The following RBFOX1 variants were observed in gnomAD, a reference collection of about 807,000 sequenced individuals.
The protein encoded by RBFOX1 is RNA binding fox-1 homolog 1, also known as RNA binding protein fox-1 homolog 1.
Under a neutral mutation model 57.7 loss-of-function variants are expected in RBFOX1, and 8 were observed. The ratio of observed to expected loss-of-function variants is 0.14; its 90% CI spans 0.08 to 0.25. RBFOX1 has a LOEUF of 0.25. Ranked by LOEUF, RBFOX1 falls within the 10% of genes least tolerant of loss-of-function variation. The pLI, the probability that RBFOX1 is intolerant of heterozygous loss-of-function variation, is 1.00. For missense variants in RBFOX1, 611 were observed against 548.5 expected, an observed-to-expected ratio of 1.11 and a Z score of -1.14; for synonymous variants, 326 against 222.4, an observed-to-expected ratio of 1.47 and a Z score of -4.15.
intron 4 of RBFOX1, among the ~76,000 whole-genome samples, chr16:7,263,469 C>T (rs539296085): frequency 1.2e-4 from 19 of 152,196 alleles, no homozygotes; most frequent in African/African-American, 4.3e-4. Flanking sequence ...CAGAAGAGAC[C>T]AATTTAAACC....
chr16:7,473,736 C>G (rs905486996), intron 4 of RBFOX1, among the ~76,000 whole-genome samples: 1 of 151,938 alleles, frequency 6.6e-6, no homozygotes, highest in Non-Finnish European at 1.5e-5. Flanking sequence ...CTAGTATGCT[C>G]CCTCCCCAAC....
intron 4 of RBFOX1, chr16:7,304,216 G>T: frequency 2.9e-4 from 3 of 10,488 alleles, no homozygotes; most frequent in Non-Finnish European, 2.6e-4. Flanking sequence ...GAGAGAGACA[G>T]AGAGAGAGAG....
At chr16:5,456,386 G>A (rs890790944) in intron 1 of RBFOX1, among the ~76,000 whole-genome samples, 1 of 152,134 alleles carries the variant, frequency 6.6e-6, no homozygotes, top group African/African-American at 2.4e-5. Flanking sequence ...ACCTCCCATG[G>A]GTTACCTTCT....
intron 4 of RBFOX1, among the ~76,000 whole-genome samples, chr16:5,913,046 A>G (rs1358179994): frequency 2.0e-5 from 3 of 152,198 alleles, no homozygotes; most frequent in Non-Finnish European, 2.9e-5. Context: ...AGCATTGCCA[A>G]GCGTGTGACC....
chr16:5,393,344 T>G (rs1446229299), intron 1 of RBFOX1, among the ~76,000 whole-genome samples: 1 of 152,150 alleles, frequency 6.6e-6, no homozygotes, highest in East Asian at 1.9e-4. Flanking sequence ...GCAGCTTGGG[T>G]GTATCTGTCC....
chr16:5,539,068 G>A (rs541890366), intron 2 of RBFOX1, among the ~76,000 whole-genome samples: 1 of 152,272 alleles, frequency 6.6e-6, no homozygotes, highest in African/African-American at 2.4e-5. Flanking sequence ...ATGCTTCTGA[G>A]GACAGATAAG....
chr16:7,685,847 C>G (rs931832691), intron 14 of RBFOX1, among the ~76,000 whole-genome samples: 2 of 151,976 alleles, frequency 1.3e-5, no homozygotes, highest in African/African-American at 2.4e-5. Context: ...ATCTTTTATT[C>G]TCATTGGACC....
chr16:7,633,380 C>T (rs1026832005), intron 11 of RBFOX1, among the ~76,000 whole-genome samples: 3 of 152,144 alleles, frequency 2.0e-5, no homozygotes, highest in Admixed American at 1.3e-4. Flanking sequence ...TAAATTGTAT[C>T]AGTCGTATTA....
chr16:5,808,940 C>G (rs1399985083), intron 3 of RBFOX1, among the ~76,000 whole-genome samples: 1 of 152,116 alleles, frequency 6.6e-6, no homozygotes. Flanking sequence ...TCCGTGGCCA[C>G]AACTTCCAAC....
intron 3 of RBFOX1, among the ~76,000 whole-genome samples, chr16:6,718,779 C>G (rs1348550346): frequency 6.6e-6 from 1 of 152,172 alleles, no homozygotes; most frequent in Non-Finnish European, 1.5e-5. Flanking sequence ...AAACTCACAA[C>G]TAGGTTGACT....
At chr16:7,411,952 A>G (rs2098432694) in intron 4 of RBFOX1, among the ~76,000 whole-genome samples, 1 of 151,798 alleles carries the variant, frequency 6.6e-6, no homozygotes, top group East Asian at 1.9e-4. Flanking sequence ...AAACTATCAC[A>G]GACAAGAAGA....
intron 4 of RBFOX1, among the ~76,000 whole-genome samples, chr16:5,956,803 G>A (rs1322463255): frequency 1.3e-5 from 2 of 149,940 alleles, no homozygotes; most frequent in Non-Finnish European, 3.0e-5. Context: ...CTGTGTATAT[G>A]GGATTACAAG....
chr16:6,107,996 G>GGGAT (rs1224760072), intron 1 of RBFOX1, among the ~76,000 whole-genome samples: 13 of 151,702 alleles, frequency 8.6e-5, no homozygotes, highest in South Asian at 2.1e-4. Flanking sequence ...CACCTGTGAT[G>GGGAT]TCACACACAG....
At chr16:5,764,161 A>G (rs9924995) in intron 3 of RBFOX1, among the ~76,000 whole-genome samples, 19,959 of 152,104 alleles carry the variant, frequency 0.13, 1,534 homozygotes, top group African/African-American at 0.2. Flanking sequence ...TGTGGGTAGG[A>G]TGATTGCATT....
At chr16:6,832,243 A>C (rs116552971) in intron 3 of RBFOX1, among the ~76,000 whole-genome samples, 1 of 152,226 alleles carries the variant, frequency 6.6e-6, no homozygotes, top group Non-Finnish European at 1.5e-5. Context: ...TGAAGGGAAC[A>C]ACACAGTGGG....
intron 4 of RBFOX1, among the ~76,000 whole-genome samples, chr16:7,370,283 TA>T (rs1239017784): frequency 1.3e-5 from 2 of 152,162 alleles, no homozygotes; most frequent in East Asian, 3.9e-4. Context: ...TGGTACCCAT[TA>T]AGACAAAATA....
chr16:6,905,789 C>G (rs948149100), intron 3 of RBFOX1, among the ~76,000 whole-genome samples: 1 of 152,170 alleles, frequency 6.6e-6, no homozygotes, highest in Non-Finnish European at 1.5e-5. Flanking sequence ...CAGACTGAGC[C>G]GGTCCTGCCT....
At chr16:5,856,575 G>GTGTATATATATATGTATATATATATATA (rs1192496608) in intron 3 of RBFOX1, among the ~76,000 whole-genome samples, 5 of 32,920 alleles carry the variant, frequency 1.5e-4, no homozygotes, top group Non-Finnish European at 2.9e-4. Flanking sequence ...GTGTGTGTGT[G>GTGTATATATATATGTATATATATATATA]TATATATATA....
intron 1 of RBFOX1, among the ~76,000 whole-genome samples, chr16:6,023,716 C>G (rs969265181): frequency 6.6e-6 from 1 of 152,182 alleles, no homozygotes; most frequent in African/African-American, 2.4e-5. Flanking sequence ...TAAGCATCAT[C>G]CACAAATTAA....
Sources: gnomAD v4.1 joint callset for allele counts (sites outside exome capture counted in the v4.1 genomes callset) on GRCh38, gnomAD v4.1.1 for gene constraint, MANE v1.5 for transcripts, NCBI Gene and HGNC (gene_info 2026-07-23, HGNC 2026-07-21) for gene names.